INTS1: variants seen among roughly 807,000 people sequenced by gnomAD.
INTS1 encodes the protein integrator complex subunit 1.
A neutral mutation model predicts 241.6 loss-of-function variants in INTS1; 137 were observed. The ratio of observed to expected loss-of-function variants is 0.57; its 90% CI spans 0.49 to 0.65. The LOEUF is 0.65. Ranked by LOEUF, INTS1 falls within the 30% of genes least tolerant of loss-of-function variation. INTS1 has a pLI of 0.00. For synonymous variants in INTS1, 1,692 were observed against 1,337.8 expected, an observed-to-expected ratio of 1.26 and a Z score of -5.78; for missense variants, 3,073 against 3,032.2, an observed-to-expected ratio of 1.01 and a Z score of -0.32.
Position 1,494,990 on chromosome 7 carries a change from C to A in INTS1, c.1833-97G>T, listed in dbSNP as rs993741285. Reference sequence around the variant, plus strand: ...GGGACCCCGCTCCCACGGGCCCCAGCGCTCAGAGGCCGGGCTGCCTGGTGC... The same window carrying A: ...GGGACCCCGCTCCCACGGGCCCCAGAGCTCAGAGGCCGGGCTGCCTGGTGC... On this transcript the variant is annotated intron_variant, in intron 13 of 47. Coordinates refer to ENST00000404767, the MANE Select transcript of INTS1 (RefSeq NM_001080453.3). 9 of 1,405,040 alleles carry A rather than the reference C, an allele frequency of 6.4e-6. No homozygotes were observed. The African/African-American group carries it at 7.1e-5, about 11-fold the overall frequency. The allele number at this position is 1,405,040 out of a possible 1,614,324, so 87.0% of individuals were successfully genotyped here. A position where few individuals can be genotyped will look rare whatever the true frequency, so the allele number is the denominator to read the frequency against.
chr7:1,482,483 G>T, intron 27 of INTS1, 63 bp downstream of exon 27: 1 of 1,511,286 alleles, frequency 6.6e-7, no homozygotes, highest in Non-Finnish European at 8.9e-7. Flanking sequence ...CCCACAAGGA[G>T]CAGGCAAGGG....
chr7:1,483,192 T>TC (rs1328917309), intron 26 of INTS1: 1 of 212,766 alleles, frequency 4.7e-6, no homozygotes, highest in East Asian at 1.2e-4. Context: ...TCCGCCCCCT[T>TC]CCCCCACTGA....
chr7:1,497,295 T>C lies in INTS1; in HGVS notation c.1445A>G (p.Gln482Arg). The C allele has an allele frequency of 6.2e-7, 1 of 1,612,756 alleles. No individual in the cohort carries two copies. Among genetic ancestry groups the C allele is most frequent in the Non-Finnish European group, 8.5e-7 (1 of 1,179,452 alleles). ...LAPKFLAMVF[Q>R]DLLTNKDDYL... ...GTCGTCCTTGTTGGTCAGCAGGTCC[T>C]GGAACACCATGGCCAGGAACTGGGG... is the stretch of plus-strand genomic sequence containing the variant. Residue 482 changes from glutamine (Q) to arginine (R), a missense_variant, in exon 11 of 48, where the codon CAG becomes CGG. Transcript: ENST00000404767. The surrounding 1 kb of genome is among the most constrained non-coding windows in gnomAD (Gnocchi z 5.3).
At chr7:1,502,512 A>G (rs1783237336) in intron 3 of INTS1, among the ~76,000 whole-genome samples, 1 of 152,148 alleles carries the variant, frequency 6.6e-6, no homozygotes, top group South Asian at 2.1e-4. Flanking sequence ...CCAAGTACAC[A>G]TCGCCTCCGC....
chr7:1,479,984 C>A (rs1418254468), intron 30 of INTS1, among the ~76,000 whole-genome samples: 1 of 152,258 alleles, frequency 6.6e-6, no homozygotes, highest in East Asian at 1.9e-4. Flanking sequence ...CCGGCTCCAA[C>A]AGCCAGACCT....
chr7:1,479,335 C>T lies in INTS1; in HGVS notation c.4329+95G>A, dbSNP rs1584267129. The T allele has an allele frequency of 5.8e-6, 8 of 1,381,418 alleles. No individual in the cohort carries two copies. The East Asian group carries it at 2.1e-4, about 36-fold the overall frequency. The allele number at this position is 1,381,418 out of a possible 1,614,324, so 85.6% of individuals were successfully genotyped here. ...CTCACTTGGAAACTGAGACCCAAGA[C>T]CCACAGAGGAGCAGTCACAGGACAC... is the stretch of plus-strand genomic sequence containing the variant. On this transcript the variant is annotated intron_variant, in intron 31 of 47. Transcript: ENST00000404767.
chr7:1,473,018 C>T lies in INTS1; in HGVS notation c.6070+54G>A, dbSNP rs1028356111. ...CTGGCTGTGCGCTGGGAAAACCAGG[C>T]CCTGTAGGACTGTTCCGCAGCTGCT... On this transcript the variant is annotated intron_variant, in intron 43 of 47. Coordinates refer to ENST00000404767, the MANE Select transcript of INTS1 (RefSeq NM_001080453.3). 52 of 1,212,308 alleles carry T rather than the reference C, an allele frequency of 4.3e-5. No homozygotes were observed. The African/African-American group carries it at 7.6e-4, about 18-fold the overall frequency. 75.1% of individuals were successfully genotyped at this position (1,212,308 alleles called of 1,614,324 possible). A position where few individuals can be genotyped will look rare whatever the true frequency, so the allele number is the denominator to read the frequency against.
Position 1,473,667 on chromosome 7 carries a change from C to T in INTS1, c.5856G>A (p.Leu1952=), listed in dbSNP as rs913521039. ...GCACAAACTTGTTGATGAAGGCAGCCAGATGGCGGGAGGACTTCCTGTAAT... is the reference window on the plus strand; with the variant it reads ...GCACAAACTTGTTGATGAAGGCAGCTAGATGGCGGGAGGACTTCCTGTAAT... ...LLNYRKSSRH[L]AAFINKFVQF... Residue 1952 remains leucine (L), a synonymous_variant, in exon 42 of 48, where the codon CTG becomes CTA. Coordinates refer to ENST00000404767, the MANE Select transcript of INTS1 (RefSeq NM_001080453.3). 12 of 1,613,366 alleles carry T rather than the reference C, an allele frequency of 7.4e-6. No homozygotes were observed. The highest frequency in any genetic ancestry group is 1.3e-5 in the African/African-American group (1 of 75,056).
Position 1,481,453 on chromosome 7 carries a change from A to G in INTS1, c.3739T>C (p.Phe1247Leu), listed in dbSNP as rs572239940. The change falls in exon 28 of 48, where the codon TTC (phenylalanine) becomes CTC (leucine). Residue 1247 changes from phenylalanine to leucine, a missense_variant. Physicochemically the swap from Phe to Leu is conservative, Grantham distance 22. Coordinates refer to ENST00000404767, the MANE Select transcript of INTS1 (RefSeq NM_001080453.3). This position sits in a 1 kb window ranked among gnomAD's most constrained non-coding sequence, Gnocchi z 6.8. Reference protein sequence around the residue: ...QDLEPQQLLLFVQSFGIPVSS... With the variant: ...QDLEPQQLLLLVQSFGIPVSS... The stretch of plus-strand genomic sequence containing the variant: ...ACGGGGATGCCAAACGACTGCACGA[A>G]CAGCAGCAGCTGCTGCGGCTCCAGG... 3 of 1,611,482 alleles carry G rather than the reference A, an allele frequency of 1.9e-6. No homozygotes were observed. In the African/African-American group the frequency reaches 4.0e-5, roughly 21 times the overall value.
At chr7:1,474,390 C>T (rs753346502) in intron 40 of INTS1, 30 bp from the exon 41 acceptor site, 3 of 1,551,424 alleles carry the variant, frequency 1.9e-6, no homozygotes, top group African/African-American at 2.7e-5. Context: ...CCAGTCAGCC[C>T]CGGCCGGCGG....
intron 31 of INTS1, 143 bp downstream of exon 31, chr7:1,479,287 C>T: frequency 9.7e-7 from 1 of 1,032,736 alleles, no homozygotes; most frequent in Non-Finnish European, 1.4e-6. Context: ...GACCTGCCGC[C>T]ACTCCCTGGG....
chr7:1,472,959 C>G (rs915544835), intron 43 of INTS1, 113 bp downstream of exon 43: 39 of 642,574 alleles, frequency 6.1e-5, no homozygotes, highest in Non-Finnish European at 8.8e-5. Context: ...CAGGCTCACA[C>G]AGCCCCCATC....
intron 5 of INTS1, 33 bp from the exon 6 acceptor site, chr7:1,499,665 C>A: frequency 6.4e-7 from 1 of 1,566,686 alleles, no homozygotes; most frequent in Non-Finnish European, 8.7e-7. Flanking sequence ...GCCCCGAGCC[C>A]AGCCGGGCAG....
In INTS1 at chr7:1,481,695, C is replaced by A. The variant is rs189630428; in HGVS notation, c.3704-207G>T. 4.2e-4 allele frequency among the ~76,000 whole-genome samples: 62 copies of A among 148,688 alleles called. No homozygotes were observed. The East Asian group carries it at 0.012, about 28-fold the overall frequency. Reference sequence around the variant, plus strand: ...CCCTGGGCCACGTGGGCTCGGTGACCCCACCCAAGACCTGGGGCAGTGCAC... The same window carrying A: ...CCCTGGGCCACGTGGGCTCGGTGACACCACCCAAGACCTGGGGCAGTGCAC... On this transcript the variant is annotated intron_variant, in intron 27 of 47. Transcript: ENST00000404767. This position sits in a 1 kb window ranked among gnomAD's most constrained non-coding sequence, Gnocchi z 6.8.
intron 20 of INTS1, 53 bp from the exon 21 acceptor site, chr7:1,487,154 C>T (rs1272218056): frequency 1.2e-5 from 18 of 1,528,348 alleles, no homozygotes; most frequent in South Asian, 2.4e-5. Flanking sequence ...CAACACCTGC[C>T]GCCAGCCCCC....
chr7:1,503,869 A>ACCCCCAAAGC (rs1190068149), intron 2 of INTS1, 34 bp downstream of exon 2: 3 of 1,482,214 alleles, frequency 2.0e-6, no homozygotes, highest in African/African-American at 2.9e-5. Flanking sequence ...ACCCCCAAAG[A>ACCCCCAAAGC]CCCCCGGGCT....
At chr7:1,478,048 A>G in intron 33 of INTS1, 112 bp from the exon 34 acceptor site, 1 of 904,312 alleles carries the variant, frequency 1.1e-6, no homozygotes, top group Non-Finnish European at 1.8e-6. Flanking sequence ...GGGACACAAG[A>G]GCAGAGTCCA....
rs926864126 is a variant in INTS1, at chr7:1,476,143, C to T, written c.5379-72G>A. 3.3e-6 allele frequency: 5 copies of T among 1,525,300 alleles called. No individual in the cohort carries two copies. In the East Asian group the frequency reaches 9.8e-5, roughly 30 times the overall value. The allele number at this position is 1,525,300 out of a possible 1,614,324, so 94.5% of individuals were successfully genotyped here. ...ACAGGGGTGGGTGGACGGGACCAGG[C>T]GTGATGGGAACCCACCCAGGGCTGG... On this transcript the variant is annotated intron_variant, in intron 38 of 47. Transcript: ENST00000404767.
In INTS1 at chr7:1,493,330, G is replaced by A. The variant is rs1782675953; in HGVS notation, c.2069-224C>T. On this transcript the variant is annotated intron_variant, in intron 15 of 47. Coordinates refer to ENST00000404767, the MANE Select transcript of INTS1 (RefSeq NM_001080453.3). This position sits in a 1 kb window ranked among gnomAD's most constrained non-coding sequence, Gnocchi z 5.3. ...GGGCTGGGTCTAGAGAGCAGGCAGG[G>A]CTGCCAAGAGAGGGTAGGGAGGTGA... Among the ~76,000 whole-genome samples the A allele has an allele frequency of 6.6e-6, 1 of 152,070 alleles. No individual in the cohort carries two copies. Among genetic ancestry groups the A allele is most frequent in the African/African-American group, 2.4e-5 (1 of 41,396 alleles).
Sources: gnomAD v4.1 joint callset for allele counts (sites outside exome capture counted in the v4.1 genomes callset) on GRCh38, gnomAD v4.1.1 for gene constraint, Gnocchi (gnomAD v3.1) non-coding constraint, MANE v1.5 for transcripts, NCBI Gene and HGNC (gene_info 2026-07-23, HGNC 2026-07-21) for gene names.